The following MEF2C variants were observed in gnomAD, a reference collection of about 807,000 sequenced individuals.
The protein encoded by MEF2C is myocyte enhancer factor 2C.
A neutral mutation model predicts 50.5 loss-of-function variants in MEF2C; 6 were observed. That is an observed-to-expected ratio of 0.12 (90% CI 0.07 to 0.23). MEF2C has a LOEUF of 0.23. Ranked by LOEUF, MEF2C falls within the 10% of genes least tolerant of loss-of-function variation. The probability of loss-of-function intolerance (pLI) is 1.00; values close to 1 mark genes in which losing one functional copy is unlikely to be tolerated. For synonymous variants in MEF2C, 183 were observed against 228.0 expected (o/e 0.80, Z 1.78); for missense variants, 276 against 605.0 (o/e 0.46, Z 5.70).
chr5:88,766,439 G>A (rs534073348), intron 3 of MEF2C, among the ~76,000 whole-genome samples: 65 of 151,822 alleles, frequency 4.3e-4, no homozygotes, highest in African/African-American at 1.4e-3. Context: ...AAATTATCTC[G>A]TTAGTAAAAA....
intron 1 of MEF2C, among the ~76,000 whole-genome samples, chr5:88,836,518 G>C (rs1338969490): frequency 1.3e-5 from 2 of 152,122 alleles, no homozygotes; most frequent in Admixed American, 1.3e-4. Flanking sequence ...AGGGGATATG[G>C]AAAGTGAAAC....
At chr5:88,801,415 G>T (rs1798274271) in intron 3 of MEF2C, among the ~76,000 whole-genome samples, 1 of 152,008 alleles carries the variant, frequency 6.6e-6, no homozygotes, top group Admixed American at 6.5e-5. Flanking sequence ...ATGTATCATA[G>T]GTCTTTGCCT....
intron 3 of MEF2C, among the ~76,000 whole-genome samples, chr5:88,795,620 A>T (rs975455713): frequency 6.6e-6 from 1 of 152,092 alleles, no homozygotes; most frequent in Non-Finnish European, 1.5e-5. Flanking sequence ...TTCCTATTTA[A>T]ATACCCTTTA....
At chr5:88,806,248 C>T (rs1451881558) in intron 2 of MEF2C, among the ~76,000 whole-genome samples, 5 of 152,128 alleles carry the variant, frequency 3.3e-5, no homozygotes, top group Admixed American at 2.0e-4. Context: ...ATCCAACCCA[C>T]CTTGCAGAGA....
At chr5:88,806,682 T>C (rs1039418725) in intron 2 of MEF2C, among the ~76,000 whole-genome samples, 48 of 152,090 alleles carry the variant, frequency 3.2e-4, no homozygotes, top group Admixed American at 2.6e-3. Context: ...CATGTTACAA[T>C]CACATTTTAT....
chr5:88,775,188 AGTTAGG>A (rs1784199827), intron 3 of MEF2C, among the ~76,000 whole-genome samples: 1 of 152,204 alleles, frequency 6.6e-6, no homozygotes, highest in Non-Finnish European at 1.5e-5. Context: ...AGCATTTCAG[AGTTAGG>A]GTCCTCTGCT....
intron 1 of MEF2C, among the ~76,000 whole-genome samples, chr5:88,842,219 T>C (rs1205154382): frequency 6.6e-6 from 1 of 152,178 alleles, no homozygotes; most frequent in Non-Finnish European, 1.5e-5. Context: ...ATCTTTCCTA[T>C]TGTTGGCTTC....
chr5:88,852,740 A>G (rs1821845035), intron 1 of MEF2C, among the ~76,000 whole-genome samples: 1 of 151,936 alleles, frequency 6.6e-6, no homozygotes, highest in South Asian at 2.1e-4. Flanking sequence ...CTAAAAACAC[A>G]AATACTAAAA....
At chr5:88,806,313 C>T (rs957150325) in intron 2 of MEF2C, among the ~76,000 whole-genome samples, 5 of 152,084 alleles carry the variant, frequency 3.3e-5, no homozygotes, top group African/African-American at 1.2e-4. Context: ...ATATTCCTAC[C>T]CTTCATCTTT....
Position 88,757,349 on chromosome 5 carries a change from C to CT in MEF2C, c.402+3835dup, listed in dbSNP as rs551963515. 6.2e-3 allele frequency among the ~76,000 whole-genome samples: 943 copies of CT among 152,146 alleles called. 7 individuals are homozygous for CT. Among genetic ancestry groups the CT allele is most frequent in the Non-Finnish European group, 0.01 (699 of 67,978 alleles). On this transcript the variant is annotated intron_variant, in intron 4 of 10. Transcript: ENST00000504921. The stretch of plus-strand genomic sequence containing the variant: ...GATTGAACTGAATCTTCCCCCCACC[C>CT]TTTTTTTGCCACTAATGACACCTTT...
At chr5:88,749,525 T>C (rs556945085) in intron 5 of MEF2C, 1 of 981,718 alleles carries the variant, frequency 1.0e-6, no homozygotes, top group South Asian at 4.7e-5. Context: ...TTTTGTGCAA[T>C]GTTAATTGTC....
intron 2 of MEF2C, among the ~76,000 whole-genome samples, chr5:88,820,704 C>A (rs1807910494): frequency 6.6e-6 from 1 of 151,994 alleles, no homozygotes; most frequent in South Asian, 2.1e-4. Context: ...GAGGGCAAAG[C>A]ATTTTTCTTT....
chr5:88,773,898 G>T (rs1387299273), intron 3 of MEF2C, among the ~76,000 whole-genome samples: 1 of 152,242 alleles, frequency 6.6e-6, no homozygotes, highest in African/African-American at 2.4e-5. Context: ...CAATATTAGT[G>T]TTTTCACTGT....
At chr5:88,784,815 C>T (rs1192578934) in intron 3 of MEF2C, among the ~76,000 whole-genome samples, 3 of 152,146 alleles carry the variant, frequency 2.0e-5, no homozygotes, top group Non-Finnish European at 4.4e-5. Flanking sequence ...AATGGTTTCG[C>T]AGGGTTGTAT....
intron 6 of MEF2C, chr5:88,735,759 T>C (rs995936230): frequency 8.1e-6 from 8 of 985,260 alleles, no homozygotes; most frequent in African/African-American, 1.7e-5. Context: ...TGACTCCTAT[T>C]TTAAGAAGTC....
intron 1 of MEF2C, among the ~76,000 whole-genome samples, chr5:88,896,963 A>ACACACACACACG (rs776750284): frequency 6.6e-6 from 1 of 151,454 alleles, no homozygotes; most frequent in African/African-American, 2.4e-5. Context: ...ACACACACAC[A>ACACACACACACG]CACGCACAAC....
intron 3 of MEF2C, chr5:88,766,537 G>C (rs1213674260): frequency 1.5e-6 from 1 of 656,516 alleles, no homozygotes; most frequent in African/African-American, 2.0e-5. Context: ...CTTTTTTTCA[G>C]AGAACCACCA....
intron 1 of MEF2C, among the ~76,000 whole-genome samples, chr5:88,891,959 A>C (rs1229230276): frequency 6.6e-6 from 1 of 152,200 alleles, no homozygotes; most frequent in African/African-American, 2.4e-5. Flanking sequence ...TTAGTTAAGG[A>C]TCCCCGAAGT....
intron 1 of MEF2C, among the ~76,000 whole-genome samples, chr5:88,858,903 G>A (rs962087959): frequency 5.9e-5 from 9 of 152,202 alleles, no homozygotes; most frequent in African/African-American, 2.2e-4. Flanking sequence ...CAGGAAGGTA[G>A]TAGTGAGACG....
Sources: allele counts gnomAD v4.1 joint callset (sites outside exome capture counted in the v4.1 genomes callset), GRCh38; gene constraint gnomAD v4.1.1; transcripts MANE v1.5; gene names NCBI Gene and HGNC (gene_info 2026-07-23, HGNC 2026-07-21).